CHL1: variants seen among roughly 807,000 people sequenced by gnomAD.
CHL1 encodes cell adhesion molecule L1 like.
CHL1 carries 96 observed loss-of-function variants against 141.9 expected under a neutral mutation model. The observed-to-expected ratio is 0.68, with a 90% CI of 0.57 to 0.80. The LOEUF (loss-of-function observed/expected upper bound fraction) is 0.80, where lower values mean the gene tolerates loss of function less well. Ranked by LOEUF, CHL1 falls within the 30% of genes least tolerant of loss-of-function variation. The probability of loss-of-function intolerance (pLI) is 0.00; values close to 1 mark genes in which losing one functional copy is unlikely to be tolerated. For synonymous variants in CHL1, 613 were observed against 502.2 expected, an observed-to-expected ratio of 1.22 and a Z score of -2.95; for missense variants, 1,820 against 1,457.2, an observed-to-expected ratio of 1.25 and a Z score of -4.05.
At chr3:209,717 G>A (rs1699739309) in intron 1 of CHL1, among the ~76,000 whole-genome samples, 1 of 152,148 alleles carries the variant, frequency 6.6e-6, no homozygotes, top group South Asian at 2.1e-4. Context: ...CCCCTCCGCT[G>A]CCACCCCACG....
chr3:322,950 T>C (rs1262237580), intron 3 of CHL1, among the ~76,000 whole-genome samples: 1 of 151,888 alleles, frequency 6.6e-6, no homozygotes, highest in Non-Finnish European at 1.5e-5. Flanking sequence ...ACTTAAAAAT[T>C]ATTAATGTTA....
intron 1 of CHL1, among the ~76,000 whole-genome samples, chr3:198,303 C>T (rs940345635): frequency 3.3e-5 from 5 of 152,024 alleles, no homozygotes; most frequent in Admixed American, 3.3e-4. Context: ...AGCCGCGGAG[C>T]AGCCCCAGGG....
intron 1 of CHL1, among the ~76,000 whole-genome samples, chr3:204,713 G>A (rs1699256330): frequency 6.6e-6 from 1 of 152,134 alleles, no homozygotes; most frequent in African/African-American, 2.4e-5. Flanking sequence ...AAAGGTTCAG[G>A]GGGAAGATAA....
chr3:324,687 C>G (rs985688770), intron 3 of CHL1, among the ~76,000 whole-genome samples: 1 of 151,596 alleles, frequency 6.6e-6, no homozygotes, highest in Non-Finnish European at 1.5e-5. Flanking sequence ...CACCCAGGCT[C>G]AAGCGCAGTG....
chr3:241,346 T>C (rs1395771422), intron 1 of CHL1, among the ~76,000 whole-genome samples: 1 of 152,202 alleles, frequency 6.6e-6, no homozygotes, highest in Non-Finnish European at 1.5e-5. Flanking sequence ...AATGAAGTCA[T>C]AGGTTTGATG....
chr3:231,795 TCAAACTCCTGA>T (rs1434251308), intron 1 of CHL1, among the ~76,000 whole-genome samples: 1 of 152,072 alleles, frequency 6.6e-6, no homozygotes, highest in Non-Finnish European at 1.5e-5. Context: ...TAGGCTGGTC[TCAAACTCCTGA>T]CCTCTGGTGA....
At chr3:235,694 A>G (rs749142261) in intron 1 of CHL1, among the ~76,000 whole-genome samples, 4 of 152,030 alleles carry the variant, frequency 2.6e-5, no homozygotes, top group Non-Finnish European at 4.4e-5. Context: ...GGCCATCTCT[A>G]TTTGCATTAG....
intron 1 of CHL1, among the ~76,000 whole-genome samples, chr3:234,674 C>T (rs1441782071): frequency 6.6e-6 from 1 of 152,060 alleles, no homozygotes; most frequent in Admixed American, 6.6e-5. Context: ...AATACTCAGT[C>T]CAAAGCAGCA....
At chr3:270,590 T>A (rs1695553133) in intron 2 of CHL1, among the ~76,000 whole-genome samples, 1 of 152,198 alleles carries the variant, frequency 6.6e-6, no homozygotes, top group Non-Finnish European at 1.5e-5. Flanking sequence ...ATCTACCTGT[T>A]GTTCTAGTTA....
intron 2 of CHL1, among the ~76,000 whole-genome samples, chr3:278,490 C>T (rs531668844): frequency 1.3e-5 from 2 of 152,278 alleles, no homozygotes; most frequent in Non-Finnish European, 2.9e-5. Context: ...CTACTGCAAG[C>T]GTTCGTTAGT....
chr3:311,911 T>G (rs1030650695), intron 2 of CHL1, among the ~76,000 whole-genome samples: 1 of 152,196 alleles, frequency 6.6e-6, no homozygotes, highest in South Asian at 2.1e-4. Flanking sequence ...TTATTCTCCA[T>G]CCCTGTAGTC....
chr3:315,426 AC>A (rs1700087234), intron 2 of CHL1, among the ~76,000 whole-genome samples: 1 of 152,168 alleles, frequency 6.6e-6, no homozygotes, highest in Admixed American at 6.6e-5. Context: ...ATGGACAAAG[AC>A]TTAGCCATCT....
intron 15 of CHL1, among the ~76,000 whole-genome samples, chr3:368,119 G>A (rs1298785724): frequency 1.3e-5 from 2 of 152,188 alleles, no homozygotes; most frequent in Non-Finnish European, 2.9e-5. Flanking sequence ...ACCAAGTAAT[G>A]TGATTGCTGG....
intron 3 of CHL1, among the ~76,000 whole-genome samples, chr3:322,868 T>G (rs1351704852): frequency 6.6e-6 from 1 of 151,098 alleles, no homozygotes; most frequent in Non-Finnish European, 1.5e-5. Flanking sequence ...AATGTCCATA[T>G]ACTCAGAGTA....
intron 2 of CHL1, among the ~76,000 whole-genome samples, chr3:297,739 G>C (rs978345682): frequency 6.6e-6 from 1 of 152,174 alleles, no homozygotes; most frequent in Non-Finnish European, 1.5e-5. Flanking sequence ...GAGATGATCT[G>C]AGCTTAAGCT....
At chr3:332,576 G>T (rs954987639) in intron 5 of CHL1, among the ~76,000 whole-genome samples, 1 of 151,996 alleles carries the variant, frequency 6.6e-6, no homozygotes, top group African/African-American at 2.4e-5. Flanking sequence ...CTTAAAATGA[G>T]TAAGTGTGAA....
intron 5 of CHL1, among the ~76,000 whole-genome samples, chr3:333,659 C>T (rs188445261): frequency 6.6e-6 from 1 of 152,282 alleles, no homozygotes; most frequent in East Asian, 1.9e-4. Flanking sequence ...AATACACCAG[C>T]CACTTTCTAG....
intron 1 of CHL1, among the ~76,000 whole-genome samples, chr3:239,501 G>A (rs897572845): frequency 6.6e-6 from 1 of 151,860 alleles, no homozygotes; most frequent in Non-Finnish European, 1.5e-5. Context: ...TCATACTTGT[G>A]ACTGTAAGGT....
chr3:362,587 T>C (rs17032591), intron 13 of CHL1, among the ~76,000 whole-genome samples: 3,442 of 151,918 alleles, frequency 0.023, 145 homozygotes, highest in African/African-American at 0.08. Context: ...CCCTGTCCTG[T>C]ATGATCCTAC....
Sources: allele counts gnomAD v4.1 joint callset (sites outside exome capture counted in the v4.1 genomes callset), GRCh38; gene constraint gnomAD v4.1.1; transcripts MANE v1.5; gene names NCBI Gene and HGNC (gene_info 2026-07-23, HGNC 2026-07-21).